Variants in PLPP1 observed in about 807,000 individuals in gnomAD.
PLPP1 encodes lipid phosphate phosphohydrolase 1a.
PLPP1 carries 24 observed loss-of-function variants against 31.2 expected under a neutral mutation model. That is an observed-to-expected ratio of 0.77 (90% CI 0.56 to 1.08). The LOEUF is 1.08. Ranked by LOEUF, PLPP1 falls within the 50% of genes least tolerant of loss-of-function variation. The probability of loss-of-function intolerance (pLI) is 0.00; values close to 1 mark genes in which losing one functional copy is unlikely to be tolerated. For missense variants in PLPP1, 319 were observed against 342.7 expected (o/e 0.93, Z 0.55); for synonymous variants, 146 against 126.3 (o/e 1.16, Z -1.05).
chr5:55,498,991 T>A (rs1753062188), intron 1 of PLPP1, among the ~76,000 whole-genome samples: 1 of 152,134 alleles, frequency 6.6e-6, no homozygotes, highest in African/African-American at 2.4e-5. Flanking sequence ...CCTCACTCTT[T>A]CCTCAATGAG....
At chr5:55,509,326 G>C (rs1164383292) in intron 1 of PLPP1, among the ~76,000 whole-genome samples, 1 of 152,204 alleles carries the variant, frequency 6.6e-6, no homozygotes, top group East Asian at 1.9e-4. Flanking sequence ...CAGTATATTT[G>C]AGTGTGATTC....
intron 3 of PLPP1, among the ~76,000 whole-genome samples, chr5:55,461,151 C>T (rs189320018): frequency 1.3e-4 from 20 of 152,180 alleles, no homozygotes; most frequent in Admixed American, 8.5e-4. Flanking sequence ...GCCAAGATCA[C>T]GCCACTGTAC....
At chr5:55,447,718 GT>G (rs1468230263) in intron 3 of PLPP1, among the ~76,000 whole-genome samples, 1 of 152,186 alleles carries the variant, frequency 6.6e-6, no homozygotes, top group Non-Finnish European at 1.5e-5. Flanking sequence ...ACAAAGTACA[GT>G]TTACATGTGG....
chr5:55,442,428 C>T (rs568040556), intron 3 of PLPP1, among the ~76,000 whole-genome samples: 80 of 152,134 alleles, frequency 5.3e-4, no homozygotes, highest in African/African-American at 4.3e-4. Context: ...CCAAGGCGGG[C>T]GGATCACGAG....
intron 1 of PLPP1, among the ~76,000 whole-genome samples, chr5:55,476,833 A>G (rs1393741206): frequency 2.0e-5 from 3 of 152,194 alleles, no homozygotes; most frequent in Non-Finnish European, 4.4e-5. Flanking sequence ...AATCTATTAT[A>G]AGAGCTAAAA....
At chr5:55,508,816 CCT>C in intron 1 of PLPP1, 1 of 154,172 alleles carries the variant, frequency 6.5e-6, no homozygotes, top group African/African-American at 2.4e-5. Context: ...TGGCTGTCAG[CCT>C]CAATAGTTAA....
intron 3 of PLPP1, among the ~76,000 whole-genome samples, chr5:55,457,177 A>T (rs1752035411): frequency 1.3e-5 from 2 of 152,214 alleles, no homozygotes; most frequent in South Asian, 4.1e-4. Flanking sequence ...AAAAAAAAAA[A>T]AAGCTATAAA....
chr5:55,478,463 G>A (rs1216851371), intron 1 of PLPP1, among the ~76,000 whole-genome samples: 1 of 152,184 alleles, frequency 6.6e-6, no homozygotes, highest in Non-Finnish European at 1.5e-5. Context: ...ATATCTCTGA[G>A]TGTGATATTC....
chr5:55,534,725 G>A lies in PLPP1; in HGVS notation c.-96C>T. The A allele has an allele frequency of 2.3e-6, 3 of 1,297,784 alleles. No individual in the cohort carries two copies. Among genetic ancestry groups the A allele is most frequent in the Admixed American group, 2.4e-5 (1 of 42,036 alleles). 80.4% of individuals were successfully genotyped at this position (1,297,784 alleles called of 1,614,324 possible). A position where few individuals can be genotyped will look rare whatever the true frequency, so the allele number is the denominator to read the frequency against. On this transcript the variant is annotated 5_prime_UTR_variant, in exon 1 of 6. Coordinates refer to ENST00000307259, the MANE Select transcript of PLPP1 (RefSeq NM_003711.4). ...TCGAGCCCGGGCCGGGGCTGGCGAC[G>A]GCCCCGAGCTACGGCCCCTCCCAGC...
At chr5:55,481,287 C>T (rs1271537488) in intron 1 of PLPP1, among the ~76,000 whole-genome samples, 1 of 152,186 alleles carries the variant, frequency 6.6e-6, no homozygotes, top group Non-Finnish European at 1.5e-5. Flanking sequence ...GAAGGGAACT[C>T]TTCTAATATT....
intron 1 of PLPP1, among the ~76,000 whole-genome samples, chr5:55,501,453 A>T (rs1411477886): frequency 1.5e-5 from 2 of 137,334 alleles, no homozygotes; most frequent in Non-Finnish European, 3.2e-5. Context: ...CCTCTCTTGC[A>T]ACTTTAGAGA....
At chr5:55,486,582 T>A (rs1227713910) in intron 1 of PLPP1, among the ~76,000 whole-genome samples, 1 of 149,304 alleles carries the variant, frequency 6.7e-6, no homozygotes, top group African/African-American at 2.5e-5. Flanking sequence ...CCAGACTCCA[T>A]CTCAAAAAAT....
At chr5:55,430,582 G>A (rs1452527947) in intron 4 of PLPP1, among the ~76,000 whole-genome samples, 1 of 152,158 alleles carries the variant, frequency 6.6e-6, no homozygotes, top group Non-Finnish European at 1.5e-5. Flanking sequence ...TATATCTTAA[G>A]GAAAATATCC....
chr5:55,431,601 G>A (rs1318100578), intron 4 of PLPP1, among the ~76,000 whole-genome samples: 2 of 152,108 alleles, frequency 1.3e-5, no homozygotes, highest in East Asian at 1.9e-4. Flanking sequence ...AGGACATACC[G>A]AAACCCAACA....
At chr5:55,529,096 T>C (rs1458587127) in intron 1 of PLPP1, among the ~76,000 whole-genome samples, 1 of 151,964 alleles carries the variant, frequency 6.6e-6, no homozygotes, top group African/African-American at 2.4e-5. Flanking sequence ...GCCAACTAGA[T>C]CACTTAGCAC....
At chr5:55,464,262 G>A (rs1160686795) in intron 3 of PLPP1, among the ~76,000 whole-genome samples, 4 of 143,126 alleles carry the variant, frequency 2.8e-5, no homozygotes, top group African/African-American at 1.0e-4. Context: ...TTAAGAAGCA[G>A]TCTTGTTCTG....
intron 3 of PLPP1, among the ~76,000 whole-genome samples, chr5:55,453,294 C>T (rs937767670): frequency 4.6e-5 from 7 of 152,118 alleles, no homozygotes; most frequent in Non-Finnish European, 7.4e-5. Flanking sequence ...TAATAAATTA[C>T]ATCAAGCCAC....
intron 3 of PLPP1, among the ~76,000 whole-genome samples, chr5:55,459,412 A>G (rs776108157): frequency 3.3e-5 from 5 of 152,336 alleles, no homozygotes; most frequent in Non-Finnish European, 7.3e-5. Flanking sequence ...GTAAAGATAT[A>G]TAAGATTTGA....
chr5:55,529,936 C>T (rs1007640556), intron 1 of PLPP1, among the ~76,000 whole-genome samples: 1 of 152,126 alleles, frequency 6.6e-6, no homozygotes, highest in African/African-American at 2.4e-5. Context: ...ATTAGTGAAA[C>T]ATCTTTTACG....
Sources: gnomAD v4.1 joint callset for allele counts (sites outside exome capture counted in the v4.1 genomes callset) on GRCh38, gnomAD v4.1.1 for gene constraint, MANE v1.5 for transcripts, NCBI Gene and HGNC (gene_info 2026-07-23, HGNC 2026-07-21) for gene names.